The following PDZD8 variants were observed in gnomAD, a reference collection of about 807,000 sequenced individuals.
PDZD8 encodes PDZ domain-containing protein 8.
In PDZD8, 14 loss-of-function variants were observed where a neutral mutation model predicts 85.8. The ratio of observed to expected loss-of-function variants is 0.16; its 90% CI spans 0.11 to 0.26. PDZD8 has a LOEUF of 0.26. PDZD8 is among the 10% of genes least tolerant of loss of function. The probability of loss-of-function intolerance (pLI) is 1.00; values close to 1 mark genes in which losing one functional copy is unlikely to be tolerated. For synonymous variants in PDZD8, 592 were observed against 568.6 expected, an observed-to-expected ratio of 1.04 and a Z score of -0.59; for missense variants, 1,197 against 1,424.3, an observed-to-expected ratio of 0.84 and a Z score of 2.57.
rs1589600511 is a variant in PDZD8 at position 117,371,758 on chromosome 10, G to C, written c.872+2598C>G. Among the ~76,000 whole-genome samples, 5 of 152,126 alleles carry C rather than the reference G, an allele frequency of 3.3e-5. No homozygotes were observed. In the East Asian group the frequency reaches 9.7e-4, roughly 29 times the overall value. ...GTTCCAGACTAGCCTGGGCAACAAA[G>C]CAAGACCTATCTCTACAAAAAAAAT... is the stretch of plus-strand genomic sequence containing the variant. On this transcript the variant is annotated intron_variant, in intron 1 of 4. Transcript: ENST00000334464.
intron 1 of PDZD8, among the ~76,000 whole-genome samples, chr10:117,355,156 T>C (rs1844872215): frequency 1.3e-5 from 2 of 152,188 alleles, no homozygotes; most frequent in Admixed American, 1.3e-4. Context: ...GGCTCCTCTA[T>C]ATTCACCAAG....
chr10:117,323,703 T>C (rs540339236), intron 2 of PDZD8, among the ~76,000 whole-genome samples: 6 of 152,286 alleles, frequency 3.9e-5, no homozygotes, highest in Admixed American at 3.3e-4. Context: ...ATGGTATCAG[T>C]GACCCAACAA....
chr10:117,284,367 A>G lies in PDZD8; in HGVS notation c.2366T>C (p.Ile789Thr), dbSNP rs1308592464. 6.2e-7 allele frequency: 1 copy of G among 1,614,066 alleles called. No homozygotes were observed. The highest frequency in any genetic ancestry group is 1.3e-5 in the African/African-American group (1 of 74,924). Residue 789 changes from isoleucine (I) to threonine (T), a missense_variant, in exon 5 of 5, where the codon ATT (isoleucine) becomes ACT (threonine). By Grantham distance (89) the Ile-to-Thr change is moderately conservative. Around this residue, in one of 4 missense-constraint regions of PDZD8, gnomAD observed 418 missense variants for 571.1 expected, o/e 0.73. Transcript: ENST00000334464. ...TTTCAAATATTTGAAGTGAATAGTA[A>G]TGTCACCATAGCAAAATTTGTCATT... ...GFNDKFCYGD[I>T]TIHFKYLKEG...
At chr10:117,292,019 C>A (rs554458468) in intron 3 of PDZD8, among the ~76,000 whole-genome samples, 2 of 152,252 alleles carry the variant, frequency 1.3e-5, no homozygotes, top group East Asian at 3.9e-4. Flanking sequence ...TTGCCAAATA[C>A]CCTAATATCC....
chr10:117,329,441 A>G (rs369587660), intron 2 of PDZD8, among the ~76,000 whole-genome samples: 3 of 152,210 alleles, frequency 2.0e-5, no homozygotes, highest in Non-Finnish European at 4.4e-5. Context: ...GATCGTTTAC[A>G]TGATTAACCC....
chr10:117,375,380 G>A lies in PDZD8; in HGVS notation c.-153C>T. On this transcript the variant is annotated 5_prime_UTR_variant, in exon 1 of 5. Coordinates refer to ENST00000334464, the MANE Select transcript of PDZD8 (RefSeq NM_173791.5). ...CTCGTCCAGGGGCTCGGGCCGGCGC[G>A]CTGCGGCGCCCGAGCCCGCAGCGGC... is the stretch of plus-strand genomic sequence containing the variant. 2.3e-6 allele frequency: 1 copy of A among 441,550 alleles called. No individual in the cohort carries two copies. 27.4% of individuals were successfully genotyped at this position (441,550 alleles called of 1,614,324 possible). A position where few individuals can be genotyped will look rare whatever the true frequency, so the allele number is the denominator to read the frequency against.
At chr10:117,302,896 CT>C (rs1843871014) in intron 3 of PDZD8, among the ~76,000 whole-genome samples, 1 of 152,198 alleles carries the variant, frequency 6.6e-6, no homozygotes, top group Non-Finnish European at 1.5e-5. Flanking sequence ...ATTCTGAGGC[CT>C]CCCCAGCCAT....
At chr10:117,335,002 T>A (rs1202217441) in intron 2 of PDZD8, among the ~76,000 whole-genome samples, 1 of 151,576 alleles carries the variant, frequency 6.6e-6, no homozygotes, top group Admixed American at 6.6e-5. Context: ...AGCTCCCAAA[T>A]TTGGTTGTAA....
intron 1 of PDZD8, among the ~76,000 whole-genome samples, chr10:117,364,493 G>A (rs1255434283): frequency 6.7e-6 from 1 of 149,594 alleles, no homozygotes. Context: ...ACACACACAC[G>A]CATATTTCCG....
At chr10:117,294,392 T>C (rs901788297) in intron 3 of PDZD8, among the ~76,000 whole-genome samples, 8 of 151,832 alleles carry the variant, frequency 5.3e-5, no homozygotes, top group African/African-American at 1.9e-4. Flanking sequence ...GGAACTCCTA[T>C]ACACTGTTAG....
chr10:117,375,192 C>T lies in PDZD8; in HGVS notation c.36G>A (p.Val12=). 1 of 1,564,126 alleles carries T rather than the reference C, an allele frequency of 6.4e-7. No homozygotes were observed. Among genetic ancestry groups the T allele is most frequent in the Admixed American group, 1.8e-5 (1 of 54,732 alleles). Residue 12 remains valine (V), a synonymous_variant, in exon 1 of 5, where the codon GTG becomes GTA. Coordinates refer to ENST00000334464, the MANE Select transcript of PDZD8 (RefSeq NM_173791.5). ...GLLLMILASA[V]LGSFLTLLAQ... is the part of the protein sequence containing the mutation. The stretch of plus-strand genomic sequence containing the variant: ...CGAGGAGCGTGAGGAAGGAACCCAG[C>T]ACGGCCGACGCCAGGATCATGAGCA...
At chr10:117,365,055 G>T (rs1278332207) in intron 1 of PDZD8, among the ~76,000 whole-genome samples, 1 of 151,834 alleles carries the variant, frequency 6.6e-6, no homozygotes, top group Non-Finnish European at 1.5e-5. Context: ...GTATATCAGG[G>T]GATGAAATCA....
chr10:117,322,920 A>T (rs2803800), intron 2 of PDZD8, among the ~76,000 whole-genome samples: 1 of 152,094 alleles, frequency 6.6e-6, no homozygotes, highest in African/African-American at 2.4e-5. Context: ...CTCGTGGCAT[A>T]TCCCTCTTAG....
intron 1 of PDZD8, among the ~76,000 whole-genome samples, chr10:117,372,523 T>C (rs577337796): frequency 2.6e-5 from 4 of 152,196 alleles, no homozygotes; most frequent in Non-Finnish European, 4.4e-5. Flanking sequence ...AACATCATAA[T>C]TGAAGTTGTG....
At chr10:117,346,720 T>G (rs1844714889) in intron 1 of PDZD8, among the ~76,000 whole-genome samples, 1 of 152,026 alleles carries the variant, frequency 6.6e-6, no homozygotes, top group Non-Finnish European at 1.5e-5. Flanking sequence ...CTCTTTTCCT[T>G]GTCTCCTGCC....
At chr10:117,353,382 G>C (rs1224305580) in intron 1 of PDZD8, among the ~76,000 whole-genome samples, 1 of 152,014 alleles carries the variant, frequency 6.6e-6, no homozygotes, top group African/African-American at 2.4e-5. Flanking sequence ...AGTCCTCCAA[G>C]AAAGACCCAT....
intron 3 of PDZD8, among the ~76,000 whole-genome samples, chr10:117,316,511 A>C (rs1032315443): frequency 9.9e-5 from 15 of 151,884 alleles, no homozygotes; most frequent in Non-Finnish European, 2.2e-4. Context: ...TGTCTCTACC[A>C]AAAAAATAAA....
chr10:117,287,336 C>T (rs1844682425), intron 4 of PDZD8, among the ~76,000 whole-genome samples: 1 of 152,106 alleles, frequency 6.6e-6, no homozygotes, highest in Non-Finnish European at 1.5e-5. Flanking sequence ...CAAAGTTTGC[C>T]ACTAGTTCTC....
chr10:117,294,417 A>C (rs949065865), intron 3 of PDZD8, among the ~76,000 whole-genome samples: 1 of 152,210 alleles, frequency 6.6e-6, no homozygotes, highest in African/African-American at 2.4e-5. Flanking sequence ...AAAGTAGATT[A>C]GTTACAGCTA....
Sources: allele counts gnomAD v4.1 joint callset (sites outside exome capture counted in the v4.1 genomes callset), GRCh38; gene constraint gnomAD v4.1.1; regional missense constraint gnomAD v4.1.1; transcripts MANE v1.5; gene names NCBI Gene and HGNC (gene_info 2026-07-23, HGNC 2026-07-21).